The following PLXNC1 variants were observed in gnomAD, a reference collection of about 807,000 sequenced individuals.
The protein encoded by PLXNC1 is plexin-C1.
Under a neutral mutation model 178.2 loss-of-function variants are expected in PLXNC1, and 75 were observed. The ratio of observed to expected loss-of-function variants is 0.42; its 90% CI spans 0.35 to 0.51. PLXNC1 has a LOEUF of 0.51. PLXNC1 is among the 20% of genes least tolerant of loss of function. The pLI is 0.02. For synonymous variants in PLXNC1, 790 were observed against 779.9 expected, an observed-to-expected ratio of 1.01 and a Z score of -0.22; for missense variants, 1,503 against 1,984.4, an observed-to-expected ratio of 0.76 and a Z score of 4.61.
At chr12:94,214,960 G>A (rs182680760) in intron 5 of PLXNC1, among the ~76,000 whole-genome samples, 7 of 152,102 alleles carry the variant, frequency 4.6e-5, no homozygotes, top group Middle Eastern at 3.4e-3. Context: ...GCTGTGGCGC[G>A]ATCATGGTTC....
chr12:94,295,320 T>C (rs897275105), intron 24 of PLXNC1, among the ~76,000 whole-genome samples: 5 of 152,164 alleles, frequency 3.3e-5, no homozygotes, highest in Admixed American at 1.3e-4. Flanking sequence ...TGGGTAGGAC[T>C]CCTTTGGGGA....
intron 9 of PLXNC1, among the ~76,000 whole-genome samples, chr12:94,235,116 A>G (rs6538488): frequency 0.51 from 78,103 of 151,988 alleles, 21,523 homozygotes; most frequent in African/African-American, 0.72. Flanking sequence ...GAGTCTGTTT[A>G]AAAGCAGACT....
chr12:94,168,625 A>C (rs1961720883), intron 1 of PLXNC1, among the ~76,000 whole-genome samples: 1 of 152,102 alleles, frequency 6.6e-6, no homozygotes, highest in Non-Finnish European at 1.5e-5. Flanking sequence ...TCACCCCCTC[A>C]ACTAGCTACC....
intron 4 of PLXNC1, among the ~76,000 whole-genome samples, chr12:94,207,783 T>G (rs557205874): frequency 2.6e-5 from 4 of 152,376 alleles, no homozygotes; most frequent in Admixed American, 2.6e-4. Context: ...TACTGTTTTC[T>G]GCCTACAAAT....
Position 94,254,846 on chromosome 12 carries a change from C to T in PLXNC1, c.2941C>T (p.Leu981=). 6.2e-7 allele frequency: 1 copy of T among 1,612,188 alleles called. No homozygotes were observed. Among genetic ancestry groups the T allele is most frequent in the Non-Finnish European group, 8.5e-7 (1 of 1,179,596 alleles). ...GCTGAGTCGCAAACAGAGTCAACAA[C>T]TAGAATTGCTGGAAAGCGAGCTCCG... ...KELSRKQSQQ[L]ELLESELRKE... The change falls in exon 16 of 31, where the codon CTA becomes TTA. Residue 981 remains leucine, a synonymous_variant. Transcript: ENST00000258526.
rs1457992349 is a variant in PLXNC1 at position 94,303,997 on chromosome 12, TGAA to T, written c.4553_4555del (p.Glu1518del). The T allele has an allele frequency of 2.0e-5, 32 of 1,601,074 alleles. No homozygotes were observed. The highest frequency in any genetic ancestry group is 2.5e-5 in the Non-Finnish European group (29 of 1,168,880). ...TTTAGAAACATGAAAATGAATTTAA[TGAA>T]GAAGTGGCCTTGACAGAAATTTACA... On this transcript the variant is annotated inframe_deletion, in exon 30 of 31. Coordinates refer to ENST00000258526, the MANE Select transcript of PLXNC1 (RefSeq NM_005761.3).
intron 1 of PLXNC1, chr12:94,158,271 G>A (rs1961249979): frequency 6.6e-6 from 1 of 152,250 alleles, no homozygotes; most frequent in African/African-American, 2.4e-5. Flanking sequence ...GTTCTAGAGA[G>A]AAGGCACAGC....
intron 21 of PLXNC1, among the ~76,000 whole-genome samples, chr12:94,279,019 C>T (rs1966219086): frequency 6.6e-6 from 1 of 151,390 alleles, no homozygotes; most frequent in Non-Finnish European, 1.5e-5. Context: ...TGACCTCTGG[C>T]ATGGTCAATA....
At chr12:94,259,481 GT>G (rs1008551666) in intron 18 of PLXNC1, 106 bp downstream of exon 18, 233 of 1,174,170 alleles carry the variant, frequency 2.0e-4, no homozygotes, top group African/African-American at 9.2e-4. Flanking sequence ...TTTATTGTGG[GT>G]TTTTTTTGGA....
Position 94,220,125 on chromosome 12 carries a change from C to A in PLXNC1, c.1664C>A (p.Thr555Asn). 6.2e-7 allele frequency: 1 copy of A among 1,614,040 alleles called. No individual in the cohort carries two copies. Among genetic ancestry groups the A allele is most frequent in the South Asian group, 1.1e-5 (1 of 91,080 alleles). Residue 555 changes from threonine to asparagine, a missense_variant, in exon 6 of 31, where the codon ACC becomes AAC. Transcript: ENST00000258526. ...LCQNKSQPNR[T>N]CTCSIPTRAT... is the part of the protein sequence containing the mutation. Reference sequence around the variant, plus strand: ...CAGAATAAAAGTCAGCCCAACCGGACCTGCACCTGTAGCATCCCAACCAGA... The same window carrying A: ...CAGAATAAAAGTCAGCCCAACCGGAACTGCACCTGTAGCATCCCAACCAGA...
chr12:94,242,648 G>A (rs1964422412), intron 11 of PLXNC1, among the ~76,000 whole-genome samples: 1 of 152,082 alleles, frequency 6.6e-6, no homozygotes, highest in Non-Finnish European at 1.5e-5. Context: ...GTAAGATAAG[G>A]AGAACTGAAA....
chr12:94,262,110 T>C (rs1965004645), intron 20 of PLXNC1, among the ~76,000 whole-genome samples: 1 of 152,196 alleles, frequency 6.6e-6, no homozygotes, highest in East Asian at 1.9e-4. Context: ...GGTCTTGGTC[T>C]TCAAAGGCCA....
intron 6 of PLXNC1, among the ~76,000 whole-genome samples, chr12:94,222,647 TC>T (rs1399784043): frequency 1.3e-5 from 2 of 152,204 alleles, no homozygotes; most frequent in Non-Finnish European, 2.9e-5. Flanking sequence ...GTAAATGCTT[TC>T]CTAGAAGAAA....
chr12:94,299,142 A>G (rs1289277043), intron 27 of PLXNC1, among the ~76,000 whole-genome samples: 1 of 152,204 alleles, frequency 6.6e-6, no homozygotes, highest in East Asian at 1.9e-4. Flanking sequence ...ATGATAAACC[A>G]TTTTTTGTTC....
At position 94,240,563 on chromosome 12, in the gene PLXNC1, G is replaced by A. The variant is rs202163041; in HGVS notation, c.2199G>A (p.Val733=). 17 of 1,613,786 alleles carry A rather than the reference G, an allele frequency of 1.1e-5. No homozygotes were observed. The highest frequency in any genetic ancestry group is 3.3e-5 in the Admixed American group (2 of 60,008). The change falls in exon 11 of 31, where the codon GTG becomes GTA. Residue 733 remains valine (V), a synonymous_variant. Coordinates refer to ENST00000258526, the MANE Select transcript of PLXNC1 (RefSeq NM_005761.3). ...LPSSRKEMKD[V]CIQFDGGNCS... is the part of the protein sequence containing the mutation. The stretch of plus-strand genomic sequence containing the variant: ...CAAGCCGGAAAGAAATGAAGGATGT[G>A]TGTATCCAGTTTGATGGTGGGAACT...
intron 9 of PLXNC1, among the ~76,000 whole-genome samples, chr12:94,234,077 C>T (rs959991192): frequency 2.0e-5 from 3 of 151,944 alleles, no homozygotes; most frequent in African/African-American, 4.8e-5. Flanking sequence ...AGTGAAAATC[C>T]GAGAGATGTT....
intron 20 of PLXNC1, among the ~76,000 whole-genome samples, chr12:94,263,411 ACT>A (rs982504707): frequency 2.6e-5 from 4 of 151,708 alleles, no homozygotes; most frequent in African/African-American, 7.3e-5. Flanking sequence ...CAGTCTAGCT[ACT>A]CTCCAGAAAG....
At chr12:94,283,293 AG>A (rs1426217517) in intron 23 of PLXNC1, among the ~76,000 whole-genome samples, 2 of 152,210 alleles carry the variant, frequency 1.3e-5, no homozygotes, top group Non-Finnish European at 2.9e-5. Context: ...AGACTGGGCT[AG>A]GGTGCAGGCA....
At chr12:94,236,305 G>C (rs1964238407) in intron 9 of PLXNC1, among the ~76,000 whole-genome samples, 1 of 152,224 alleles carries the variant, frequency 6.6e-6, no homozygotes, top group Non-Finnish European at 1.5e-5. Context: ...TGAGTGATGG[G>C]GACGACTGTG....
Sources: gnomAD v4.1 joint callset for allele counts (sites outside exome capture counted in the v4.1 genomes callset) on GRCh38, gnomAD v4.1.1 for gene constraint, MANE v1.5 for transcripts, NCBI Gene and HGNC (gene_info 2026-07-23, HGNC 2026-07-21) for gene names.